GLI2: variants seen among roughly 807,000 people sequenced by gnomAD.
GLI2 encodes the protein transcription activator GLI2.
Under a neutral mutation model 78.9 loss-of-function variants are expected in GLI2, and 22 were observed. The observed-to-expected ratio is 0.28, with a 90% CI of 0.20 to 0.40. The LOEUF (loss-of-function observed/expected upper bound fraction) is 0.40, where lower values mean the gene tolerates loss of function less well. Ranked by LOEUF, GLI2 falls within the 10% of genes least tolerant of loss-of-function variation. The pLI, the probability that GLI2 is intolerant of heterozygous loss-of-function variation, is 1.00. For synonymous variants in GLI2, 974 were observed against 963.7 expected (o/e 1.01, Z -0.20); for missense variants, 2,097 against 2,213.2 (o/e 0.95, Z 1.05).
intron 8 of GLI2, 196 bp from the exon 9 acceptor site, chr2:120,974,779 A>AGT (rs3043526): frequency 0.014 from 9,363 of 646,454 alleles, 371 homozygotes; most frequent in African/African-American, 0.13. Flanking sequence ...AAGGCTGATG[A>AGT]GTGTGTGTGT....
chr2:120,921,905 G>A (rs963632343), intron 2 of GLI2, among the ~76,000 whole-genome samples: 8 of 152,186 alleles, frequency 5.3e-5, no homozygotes, highest in African/African-American at 1.9e-4. Context: ...GAGTTCTCCT[G>A]ACACCTGGCC....
intron 3 of GLI2, among the ~76,000 whole-genome samples, chr2:120,930,691 G>A (rs551644672): frequency 1.3e-4 from 20 of 152,376 alleles, no homozygotes; most frequent in Non-Finnish European, 2.6e-4. Flanking sequence ...GAGACTCCAC[G>A]GAAGGGGTCT....
chr2:120,889,850 A>G (rs1677594455), intron 2 of GLI2, among the ~76,000 whole-genome samples: 1 of 152,224 alleles, frequency 6.6e-6, no homozygotes, highest in Non-Finnish European at 1.5e-5. Flanking sequence ...AGGAGCACTC[A>G]CACATAGCTG....
chr2:120,851,087 T>G (rs952548425), intron 2 of GLI2, among the ~76,000 whole-genome samples: 1 of 152,218 alleles, frequency 6.6e-6, no homozygotes, highest in African/African-American at 2.4e-5. Flanking sequence ...CTCAGCCTTT[T>G]GGCTAAGATC....
intron 1 of GLI2, among the ~76,000 whole-genome samples, chr2:120,780,353 G>C (rs903741861): frequency 1.1e-4 from 16 of 152,304 alleles, no homozygotes; most frequent in Admixed American, 3.3e-4. Flanking sequence ...CCTCTTTCTT[G>C]CAGAGAAGCA....
At chr2:120,805,095 C>T (rs916127834) in intron 2 of GLI2, among the ~76,000 whole-genome samples, 5 of 152,228 alleles carry the variant, frequency 3.3e-5, no homozygotes, top group East Asian at 1.9e-4. Flanking sequence ...GTCCACATAA[C>T]GGAAACCCGA....
chr2:120,985,334 C>T (rs557923703), intron 12 of GLI2, among the ~76,000 whole-genome samples: 10 of 152,266 alleles, frequency 6.6e-5, no homozygotes, highest in Non-Finnish European at 8.8e-5. Flanking sequence ...CAGGTGGGCC[C>T]GGACAGGCAC....
chr2:120,963,883 A>G (rs1391694319), intron 5 of GLI2, among the ~76,000 whole-genome samples: 1 of 152,254 alleles, frequency 6.6e-6, no homozygotes, highest in Non-Finnish European at 1.5e-5. Flanking sequence ...AAGGAGTCCT[A>G]GCGCATGCGA....
intron 2 of GLI2, among the ~76,000 whole-genome samples, chr2:120,871,466 C>A (rs749680135): frequency 1.2e-4 from 18 of 152,266 alleles, no homozygotes; most frequent in Non-Finnish European, 7.3e-5. Flanking sequence ...CGTCCCCTCG[C>A]CACTCTGTCC....
rs371747744 is a variant in GLI2, at chr2:120,970,443, T to C, written c.896T>C (p.Ile299Thr). The C allele has an allele frequency of 3.1e-6, 5 of 1,612,536 alleles. No homozygotes were observed. Among genetic ancestry groups the C allele is most frequent in the Non-Finnish European group, 4.2e-6 (5 of 1,179,234 alleles). The part of the protein sequence containing the change: ...HPINPVAYQQ[I>T]LSQQRGLGSA... ...ATCAACCCCGTGGCCTACCAGCAGA[T>C]TCTGAGCCAGCAGAGGGGTCTGGGG... Residue 299 changes from isoleucine (I) to threonine (T), a missense_variant, in exon 7 of 14, where the codon ATT becomes ACT. Physicochemically the swap from Ile to Thr is moderately conservative, Grantham distance 89. Coordinates refer to ENST00000361492, the MANE Select transcript of GLI2 (RefSeq NM_001374353.1).
In GLI2 at chr2:120,986,569, A is replaced by G; in HGVS notation, c.2197A>G (p.Thr733Ala). Residue 733 changes from threonine (T) to alanine (A), a missense_variant, in exon 13 of 14, where the codon ACT (threonine) becomes GCT (alanine). Coordinates refer to ENST00000361492, the MANE Select transcript of GLI2 (RefSeq NM_001374353.1). Reference protein sequence around the residue: ...LKDSCSWAGPTPHTRNTKLPP... With the variant: ...LKDSCSWAGPAPHTRNTKLPP... ...GGATTCCTGCTCATGGGCCGGGCCG[A>G]CTCCACACACGCGGAACACCAAGCT... 6.2e-7 allele frequency: 1 copy of G among 1,613,830 alleles called. No individual in the cohort carries two copies. The highest frequency in any genetic ancestry group is 8.5e-7 in the Non-Finnish European group (1 of 1,179,928).
chr2:120,904,439 C>T (rs192343839), intron 2 of GLI2, among the ~76,000 whole-genome samples: 212 of 152,292 alleles, frequency 1.4e-3, no homozygotes, highest in African/African-American at 5.0e-3. Context: ...CGGTCCCTGG[C>T]TTTCTGTGAC....
At chr2:120,839,170 G>A (rs571831859) in intron 2 of GLI2, among the ~76,000 whole-genome samples, 7 of 152,024 alleles carry the variant, frequency 4.6e-5, no homozygotes, top group Admixed American at 6.5e-5. Flanking sequence ...TTTGCATACC[G>A]TATGGATTAT....
At chr2:120,804,007 G>A (rs752312155) in intron 2 of GLI2, among the ~76,000 whole-genome samples, 1 of 152,172 alleles carries the variant, frequency 6.6e-6, no homozygotes, top group Non-Finnish European at 1.5e-5. Flanking sequence ...TCCAGGAGGC[G>A]TGTGTGCTAC....
chr2:120,897,140 G>C (rs972114456), intron 2 of GLI2, among the ~76,000 whole-genome samples: 13 of 152,306 alleles, frequency 8.5e-5, no homozygotes, highest in African/African-American at 3.1e-4. Flanking sequence ...CGCTCCAGCC[G>C]CCACGCCCTC....
intron 2 of GLI2, among the ~76,000 whole-genome samples, chr2:120,922,095 C>A (rs1425563757): frequency 2.0e-5 from 3 of 152,208 alleles, no homozygotes; most frequent in African/African-American, 7.2e-5. Context: ...TCTCCTCTCA[C>A]TGGGCCATGG....
At chr2:120,810,382 T>C (rs1685180140) in intron 2 of GLI2, among the ~76,000 whole-genome samples, 1 of 152,240 alleles carries the variant, frequency 6.6e-6, no homozygotes, top group South Asian at 2.1e-4. Flanking sequence ...GTTCACCAGC[T>C]TTGGCATGGT....
intron 2 of GLI2, among the ~76,000 whole-genome samples, chr2:120,908,223 C>T (rs1678641771): frequency 1.3e-5 from 2 of 152,214 alleles, no homozygotes; most frequent in Non-Finnish European, 2.9e-5. Flanking sequence ...GTGGTCTGTG[C>T]ACTCAGCCGT....
chr2:120,984,735 A>C lies in GLI2; in HGVS notation c.1897A>C (p.Ser633Arg). The part of the protein sequence containing the change: ...CLHVRAIKTE[S>R]SGLCQSSPGA... ...GCACGTCAGAGCCATCAAGACCGAG[A>C]GCTCCGGGGTAAGCGGAGCTGGGCA... Residue 633 changes from serine to arginine, a missense_variant, in exon 12 of 14, where the codon AGC (serine) becomes CGC (arginine). Physicochemically the swap from Ser to Arg is moderately radical, Grantham distance 110. Around this residue, in one of 5 missense-constraint regions of GLI2, gnomAD observed 68 missense variants for 104.4 expected, o/e 0.65. Coordinates refer to ENST00000361492, the MANE Select transcript of GLI2 (RefSeq NM_001374353.1). 1 of 1,612,576 alleles carries C rather than the reference A, an allele frequency of 6.2e-7. No homozygotes were observed. Among genetic ancestry groups the C allele is most frequent in the Non-Finnish European group, 8.5e-7 (1 of 1,179,828 alleles).
Sources: gnomAD v4.1 joint callset for allele counts (sites outside exome capture counted in the v4.1 genomes callset) on GRCh38, gnomAD v4.1.1 for gene constraint, gnomAD v4.1.1 regional missense constraint, MANE v1.5 for transcripts, NCBI Gene and HGNC (gene_info 2026-07-23, HGNC 2026-07-21) for gene names.